Variants in ARHGAP21 observed in about 807,000 individuals in gnomAD.
The protein encoded by ARHGAP21 is Rho GTPase activating protein 21.
Under a neutral mutation model 164.6 loss-of-function variants are expected in ARHGAP21, and 38 were observed. The observed-to-expected ratio is 0.23, with a 90% CI of 0.18 to 0.30. ARHGAP21 has a LOEUF of 0.30. Ranked by LOEUF, ARHGAP21 falls within the 10% of genes least tolerant of loss-of-function variation. ARHGAP21 has a pLI of 1.00. For synonymous variants in ARHGAP21, 766 were observed against 857.9 expected (o/e 0.89, Z 1.87); for missense variants, 1,822 against 2,370.7 (o/e 0.77, Z 4.81).
chr10:24,660,833 A>G (rs1003883452), intron 4 of ARHGAP21, among the ~76,000 whole-genome samples: 2 of 152,178 alleles, frequency 1.3e-5, no homozygotes, highest in South Asian at 2.1e-4. Flanking sequence ...GTTATTGCAC[A>G]TATCTCCTTA....
Position 24,585,673 on chromosome 10 carries a change from A to C in ARHGAP21, c.4616T>G (p.Leu1539Arg). Residue 1539 changes from leucine (L) to arginine (R), a missense_variant, in exon 26 of 26, where the codon CTT (leucine) becomes CGT (arginine). Around this residue, in one of 5 missense-constraint regions of ARHGAP21, gnomAD observed 333 missense variants for 383.9 expected, o/e 0.87. Transcript: ENST00000396432. The part of the protein sequence containing the change: ...RSLLAQKSSH[L>R]EETGSDSGTL... ...GCCAGAGTCAGAGCCTGTCTCTTCA[A>C]GGTGGGAGGACTTCTGTGCCAGAAG... The C allele has an allele frequency of 6.2e-7, 1 of 1,614,134 alleles. No individual in the cohort carries two copies. Among genetic ancestry groups the C allele is most frequent in the Non-Finnish European group, 8.5e-7 (1 of 1,180,016 alleles).
Position 24,696,237 on chromosome 10 carries a change from G to A in ARHGAP21, c.63+25600C>T, listed in dbSNP as rs112657978. Among the ~76,000 whole-genome samples, 1,290 of 152,284 alleles carry A rather than the reference G, an allele frequency of 8.5e-3. 14 individuals are homozygous for A. Among genetic ancestry groups the A allele is most frequent in the East Asian group, 0.028 (144 of 5,170 alleles). On this transcript the variant is annotated intron_variant, in intron 2 of 25. Coordinates refer to ENST00000396432, the MANE Select transcript of ARHGAP21 (RefSeq NM_020824.4). ...TTTCAGGGCTTTGGCACAGGGCAGG[G>A]GAACCAGGCAGGGCGGCTCAAGTTC...
chr10:24,707,572 A>G (rs767695590), intron 2 of ARHGAP21, among the ~76,000 whole-genome samples: 1 of 152,106 alleles, frequency 6.6e-6, no homozygotes, highest in Non-Finnish European at 1.5e-5. Context: ...TACATACTAC[A>G]TGTCCAAAAC....
chr10:24,596,461 T>C (rs2076584763), intron 17 of ARHGAP21: 1 of 538,038 alleles, frequency 1.9e-6, no homozygotes, highest in East Asian at 3.2e-5. Flanking sequence ...TTCTCATCCT[T>C]GTTTTAAAAT....
intron 2 of ARHGAP21, among the ~76,000 whole-genome samples, chr10:24,694,631 G>A (rs1842994829): frequency 6.6e-6 from 1 of 152,224 alleles, no homozygotes; most frequent in Non-Finnish European, 1.5e-5. Context: ...AAGACTCTTA[G>A]AAGCTTGTAG....
In ARHGAP21 at chr10:24,618,328, A is replaced by C. The variant is rs114430297; in HGVS notation, c.2422+1145T>G. ...TTAGGGACACAAAAGTGAACCAAAGATTTTAAATCTCTGCTCTCATGTAGT... is the reference window on the plus strand; with the variant it reads ...TTAGGGACACAAAAGTGAACCAAAGCTTTTAAATCTCTGCTCTCATGTAGT... On this transcript the variant is annotated intron_variant, in intron 9 of 25. Transcript: ENST00000396432. 1.3e-3 allele frequency among the ~76,000 whole-genome samples: 198 copies of C among 152,312 alleles called. 1 individual carries two copies. The highest frequency in any genetic ancestry group is 4.6e-3 in the African/African-American group (192 of 41,564).
At chr10:24,718,618 C>A (rs1845630143) in intron 2 of ARHGAP21, among the ~76,000 whole-genome samples, 1 of 152,138 alleles carries the variant, frequency 6.6e-6, no homozygotes, top group Non-Finnish European at 1.5e-5. Context: ...AGCAAACTGT[C>A]CAGCATTCCA....
At chr10:24,637,901 G>A (rs1170787168) in intron 4 of ARHGAP21, among the ~76,000 whole-genome samples, 2 of 144,978 alleles carry the variant, frequency 1.4e-5, no homozygotes, top group East Asian at 2.0e-4. Context: ...GTCTTGCACT[G>A]TTGCCCGGGC....
chr10:24,638,474 C>T (rs1258952221), intron 4 of ARHGAP21, among the ~76,000 whole-genome samples: 1 of 152,144 alleles, frequency 6.6e-6, no homozygotes, highest in African/African-American at 2.4e-5. Flanking sequence ...AGGTCTTTAG[C>T]TTTTGTAAAT....
chr10:24,604,620 C>T (rs767447848), intron 11 of ARHGAP21, among the ~76,000 whole-genome samples: 1 of 152,056 alleles, frequency 6.6e-6, no homozygotes, highest in South Asian at 2.1e-4. Context: ...AAAGAAAAAG[C>T]TACTCAGGCT....
intron 2 of ARHGAP21, among the ~76,000 whole-genome samples, chr10:24,696,965 C>T (rs1026471562): frequency 2.6e-4 from 39 of 152,144 alleles, no homozygotes; most frequent in African/African-American, 8.0e-4. Context: ...TCTTAAGGAC[C>T]AGGGAGGATG....
Position 24,585,361 on chromosome 10 carries a change from A to G in ARHGAP21, c.4928T>C (p.Val1643Ala). 6.2e-7 allele frequency: 1 copy of G among 1,613,734 alleles called. No individual in the cohort carries two copies. Among genetic ancestry groups the G allele is most frequent in the Non-Finnish European group, 8.5e-7 (1 of 1,180,022 alleles). Residue 1643 changes from valine to alanine, a missense_variant, in exon 26 of 26, where the codon GTG becomes GCG. By Grantham distance (64) the Val-to-Ala change is moderately conservative (BLOSUM62 0). Coordinates refer to ENST00000396432, the MANE Select transcript of ARHGAP21 (RefSeq NM_020824.4). ...CTCTGAAGTCAAGGCTGTGGGGAAC[A>G]CGGGAAACTCGCTCTCGCTGTCGGT... The part of the protein sequence containing the change: ...VETDSESEFP[V>A]FPTALTSERL...
intron 16 of ARHGAP21, 42 bp from the exon 17 acceptor site, chr10:24,596,924 A>C: frequency 6.4e-7 from 1 of 1,571,080 alleles, no homozygotes; most frequent in Non-Finnish European, 8.6e-7. Context: ...AATAAAATGG[A>C]AATGAGTGTC....
At chr10:24,662,904 T>C (rs1839848710) in intron 4 of ARHGAP21, among the ~76,000 whole-genome samples, 1 of 152,184 alleles carries the variant, frequency 6.6e-6, no homozygotes, top group Non-Finnish European at 1.5e-5. Flanking sequence ...GGTAAACTTT[T>C]ACTACATTTC....
intron 15 of ARHGAP21, 128 bp downstream of exon 15, chr10:24,597,817 G>C: frequency 8.8e-7 from 1 of 1,135,076 alleles, no homozygotes; most frequent in Non-Finnish European, 1.3e-6. Flanking sequence ...ATATAGCGTA[G>C]AGAGGATTTG....
chr10:24,660,961 A>T (rs1329024060), intron 4 of ARHGAP21, among the ~76,000 whole-genome samples: 3 of 152,120 alleles, frequency 2.0e-5, no homozygotes, highest in African/African-American at 7.2e-5. Flanking sequence ...ACTGTCATCA[A>T]CTTTGGATGG....
intron 4 of ARHGAP21, among the ~76,000 whole-genome samples, chr10:24,662,249 T>C (rs1425438212): frequency 1.3e-5 from 2 of 152,116 alleles, no homozygotes; most frequent in Non-Finnish European, 1.5e-5. Context: ...GTCATACCCT[T>C]TTTTTTAAGA....
chr10:24,676,061 G>T (rs1043260179), intron 2 of ARHGAP21, among the ~76,000 whole-genome samples: 2 of 152,120 alleles, frequency 1.3e-5, no homozygotes, highest in Non-Finnish European at 2.9e-5. Flanking sequence ...GGCAGGAGAA[G>T]CACTAGAACC....
chr10:24,687,786 T>G (rs1388546742), intron 2 of ARHGAP21, among the ~76,000 whole-genome samples: 1 of 152,164 alleles, frequency 6.6e-6, no homozygotes, highest in Admixed American at 6.5e-5. Flanking sequence ...GCAATCCCCT[T>G]TGAGCAGATA....
Sources: gnomAD v4.1 joint callset for allele counts (sites outside exome capture counted in the v4.1 genomes callset) on GRCh38, gnomAD v4.1.1 for gene constraint, gnomAD v4.1.1 regional missense constraint, MANE v1.5 for transcripts, NCBI Gene and HGNC (gene_info 2026-07-23, HGNC 2026-07-21) for gene names.